Variants in ZNF560 observed in about 807,000 individuals in gnomAD.
ZNF560 encodes zinc finger protein 560.
Under a neutral mutation model 81.8 loss-of-function variants are expected in ZNF560, and 54 were observed. That is an observed-to-expected ratio of 0.66 (90% confidence interval 0.53 to 0.83). The LOEUF is 0.83. ZNF560 is among the 40% of genes least tolerant of loss of function. The pLI is 0.00. For synonymous variants in ZNF560, 321 were observed against 317.9 expected (o/e 1.01, Z -0.10); for missense variants, 940 against 932.4 (o/e 1.01, Z -0.11).
intron 2 of ZNF560, among the ~76,000 whole-genome samples, chr19:9,479,756 T>A (rs7256452): frequency 0.15 from 22,890 of 152,132 alleles, 2,578 homozygotes; most frequent in African/African-American, 0.31. Context: ...TACTTTAAGT[T>A]TTACAGTAAT....
At position 9,466,743 on chromosome 19, in the gene ZNF560, G is replaced by T. The variant is rs1349920769; in HGVS notation, c.2204C>A (p.Thr735Asn). The T allele has an allele frequency of 6.2e-7, 1 of 1,614,092 alleles. No individual in the cohort carries two copies. Among genetic ancestry groups the T allele is most frequent in the Non-Finnish European group, 8.5e-7 (1 of 1,179,980 alleles). ...SDLTNHVRIH[T>N]GEKPYKCKEC... ...CTTACATTTATAGGGCTTCTCTCCA[G>T]TGTGAATTCGCACATGATTAGTAAG... is the stretch of plus-strand genomic sequence containing the variant. The change falls in exon 10 of 10, where the codon ACT becomes AAT. Residue 735 changes from threonine to asparagine, a missense_variant. Coordinates refer to ENST00000301480, the MANE Select transcript of ZNF560 (RefSeq NM_152476.3).
Position 9,467,756 on chromosome 19 carries a change from A to G in ZNF560, c.1191T>C (p.Thr397=). ...ACCCATAGGGCTTCTCTCCAGTGTG[A>G]GTTCGTACATGTTCAAGAAAGCCTG... The part of the protein sequence containing the change: ...VPSGFLEHVR[T]HTGEKPYGCK... Residue 397 remains threonine (T), a synonymous_variant, in exon 10 of 10, where the codon ACT becomes ACC. Transcript: ENST00000301480. 1 of 1,614,176 alleles carries G rather than the reference A, an allele frequency of 6.2e-7. No individual in the cohort carries two copies. Among genetic ancestry groups the G allele is most frequent in the Non-Finnish European group, 8.5e-7 (1 of 1,180,032 alleles).
chr19:9,447,872 C>T, the ZNF560 span, among the ~76,000 whole-genome samples: 2 of 152,094 alleles, frequency 1.3e-5, no homozygotes, highest in African/African-American at 2.4e-5. Context: ...ACAACACCTG[C>T]CAGATACTAC....
upstream of ZNF560, among the ~76,000 whole-genome samples, chr19:9,502,696 T>C (rs141364907): frequency 2.5e-3 from 388 of 152,374 alleles, 2 homozygotes; most frequent in African/African-American, 9.1e-3. Context: ...AATTTCTGTG[T>C]TTCTAGAAAT....
intron 2 of ZNF560, among the ~76,000 whole-genome samples, chr19:9,482,472 A>T (rs2144709734): frequency 6.6e-6 from 1 of 151,828 alleles, no homozygotes; most frequent in Non-Finnish European, 1.5e-5. Flanking sequence ...GAAGGAAGGA[A>T]GGAAGGAAGA....
chr19:9,452,231 A>C, the ZNF560 span, among the ~76,000 whole-genome samples: 1 of 152,204 alleles, frequency 6.6e-6, no homozygotes, highest in Non-Finnish European at 1.5e-5. Flanking sequence ...ATCTCAAACC[A>C]GTCATAATGG....
the ZNF560 span, among the ~76,000 whole-genome samples, chr19:9,455,204 A>C: frequency 6.6e-6 from 1 of 152,188 alleles, no homozygotes; most frequent in African/African-American, 2.4e-5. Flanking sequence ...TTCCCTTTAA[A>C]TTACTGAATG....
downstream of ZNF560, among the ~76,000 whole-genome samples, chr19:9,465,284 C>T (rs981403737): frequency 2.6e-5 from 4 of 152,116 alleles, no homozygotes; most frequent in African/African-American, 9.7e-5. Context: ...GGGTGTACCA[C>T]CATGCCCAGC....
At chr19:9,450,677 G>A in the ZNF560 span, among the ~76,000 whole-genome samples, 5 of 152,088 alleles carry the variant, frequency 3.3e-5, no homozygotes, top group South Asian at 2.1e-4. Context: ...TTACAGGCAT[G>A]CAGCACCATA....
the ZNF560 span, among the ~76,000 whole-genome samples, chr19:9,446,716 T>C: frequency 6.6e-6 from 1 of 152,162 alleles, no homozygotes; most frequent in East Asian, 1.9e-4. Flanking sequence ...CGATTACACA[T>C]TACACAAAGC....
At chr19:9,457,135 T>C in the ZNF560 span, among the ~76,000 whole-genome samples, 6 of 152,280 alleles carry the variant, frequency 3.9e-5, no homozygotes, top group African/African-American at 1.2e-4. Flanking sequence ...AAGGAACATA[T>C]AGCTCAAACT....
intron 2 of ZNF560, among the ~76,000 whole-genome samples, chr19:9,495,310 T>G (rs2073540768): frequency 6.6e-6 from 1 of 152,142 alleles, no homozygotes; most frequent in South Asian, 2.1e-4. Flanking sequence ...ATACACTGAA[T>G]AAATAGGATA....
chr19:9,461,150 A>G, the ZNF560 span, among the ~76,000 whole-genome samples: 1 of 151,558 alleles, frequency 6.6e-6, no homozygotes, highest in Non-Finnish European at 1.5e-5. Context: ...ATGCCATCAC[A>G]ATATAATCCT....
At chr19:9,454,647 T>C in the ZNF560 span, among the ~76,000 whole-genome samples, 2 of 152,282 alleles carry the variant, frequency 1.3e-5, no homozygotes, top group East Asian at 3.9e-4. Flanking sequence ...TGCAGCTTTT[T>C]AGTATGGTAG....
At chr19:9,448,226 G>GTGT in the ZNF560 span, among the ~76,000 whole-genome samples, 1 of 147,632 alleles carries the variant, frequency 6.8e-6, no homozygotes, top group Non-Finnish European at 1.5e-5. Context: ...GTGTGCGTGT[G>GTGT]GCGGGGGGTT....
chr19:9,446,013 C>T, the ZNF560 span, among the ~76,000 whole-genome samples: 1 of 152,072 alleles, frequency 6.6e-6, no homozygotes, highest in Non-Finnish European at 1.5e-5. Flanking sequence ...ATTAATCTCC[C>T]TCTCTTTCTC....
chr19:9,468,350 T>A lies in ZNF560; in HGVS notation c.613-16A>T, dbSNP rs1324556142. On this transcript the variant is annotated splice_polypyrimidine_tract_variant and intron_variant, in intron 9 of 9. Transcript: ENST00000301480. Reference sequence around the variant, plus strand: ...GGTTTCTTGCCTGTTAACACAGGAATGAACAATAAAGGAAGCATTTTAGCA... The same window carrying A: ...GGTTTCTTGCCTGTTAACACAGGAAAGAACAATAAAGGAAGCATTTTAGCA... 6.4e-7 allele frequency: 1 copy of A among 1,554,314 alleles called. No individual in the cohort carries two copies. The highest frequency in any genetic ancestry group is 1.4e-5 in the African/African-American group (1 of 72,540).
the ZNF560 span, among the ~76,000 whole-genome samples, chr19:9,456,049 C>T: frequency 3.3e-5 from 5 of 152,308 alleles, no homozygotes; most frequent in East Asian, 3.9e-4. Flanking sequence ...TTGATAAAGA[C>T]GGAAACCCGA....
chr19:9,474,610 G>A (rs571614655), intron 3 of ZNF560, among the ~76,000 whole-genome samples: 1 of 152,128 alleles, frequency 6.6e-6, no homozygotes, highest in South Asian at 2.1e-4. Flanking sequence ...TCTACTAAAA[G>A]ATATCCCAGA....
Sources: allele counts gnomAD v4.1 joint callset (sites outside exome capture counted in the v4.1 genomes callset), GRCh38; gene constraint gnomAD v4.1.1; transcripts MANE v1.5; gene names NCBI Gene and HGNC (gene_info 2026-07-23, HGNC 2026-07-21).